FOXN2: variants seen among roughly 807,000 people sequenced by gnomAD.
The protein encoded by FOXN2 is forkhead box N2.
In FOXN2, 19 loss-of-function variants were observed where a neutral mutation model predicts 41.2. That is an observed-to-expected ratio of 0.46 (90% CI 0.32 to 0.68). The LOEUF (loss-of-function observed/expected upper bound fraction) is 0.68, where lower values mean the gene tolerates loss of function less well. FOXN2 is among the 30% of genes least tolerant of loss of function. The pLI is 0.03. For missense variants in FOXN2, 587 were observed against 509.4 expected, an observed-to-expected ratio of 1.15 and a Z score of -1.47; for synonymous variants, 195 against 176.8, an observed-to-expected ratio of 1.10 and a Z score of -0.82.
In FOXN2 at chr2:48,375,456, T is replaced by C. The variant is rs561146723; in HGVS notation, c.*13T>C. 3.8e-6 allele frequency: 6 copies of C among 1,588,852 alleles called. No homozygotes were observed. The highest frequency in any genetic ancestry group is 2.0e-4 in the Middle Eastern group (1 of 5,028). ...ACGGAAAAAATAGAAATACTTAAAGTGTGGCAATACTCTTTCACTTAATTC... is the reference window on the plus strand; with the variant it reads ...ACGGAAAAAATAGAAATACTTAAAGCGTGGCAATACTCTTTCACTTAATTC... On this transcript the variant is annotated 3_prime_UTR_variant, in exon 7 of 7. Transcript: ENST00000340553.
intron 3 of FOXN2, among the ~76,000 whole-genome samples, chr2:48,356,916 A>G (rs1326131465): frequency 1.3e-5 from 2 of 152,220 alleles, no homozygotes; most frequent in Non-Finnish European, 2.9e-5. Flanking sequence ...GAGAATGCTC[A>G]TTTCCTGTTT....
At chr2:48,366,184 C>G (rs1419583203) in intron 5 of FOXN2, among the ~76,000 whole-genome samples, 4 of 152,042 alleles carry the variant, frequency 2.6e-5, no homozygotes, top group Non-Finnish European at 5.9e-5. Context: ...TGGTGAAACC[C>G]CATCTCTACT....
At chr2:48,360,436 A>G (rs1396056452) in intron 4 of FOXN2, among the ~76,000 whole-genome samples, 5 of 152,184 alleles carry the variant, frequency 3.3e-5, no homozygotes, top group Non-Finnish European at 2.9e-5. Flanking sequence ...TATAGTGGTT[A>G]ATTTGAATTC....
At chr2:48,327,322 A>T (rs964313194) in intron 1 of FOXN2, among the ~76,000 whole-genome samples, 3 of 152,180 alleles carry the variant, frequency 2.0e-5, no homozygotes, top group African/African-American at 4.8e-5. Context: ...AGTAGTGACC[A>T]CTAGACTACT....
chr2:48,342,306 T>C (rs938531358), intron 2 of FOXN2, among the ~76,000 whole-genome samples: 1 of 152,148 alleles, frequency 6.6e-6, no homozygotes, highest in Admixed American at 6.5e-5. Context: ...TTCTCTGTTA[T>C]AGAAAATGTA....
intron 5 of FOXN2, among the ~76,000 whole-genome samples, chr2:48,368,548 C>T (rs191407425): frequency 3.1e-3 from 464 of 152,130 alleles, no homozygotes; most frequent in South Asian, 8.1e-3. Flanking sequence ...GAAAATTAGC[C>T]GGGCGTGGTG....
chr2:48,343,634 C>T (rs1210936510), intron 2 of FOXN2, among the ~76,000 whole-genome samples: 3 of 151,984 alleles, frequency 2.0e-5, no homozygotes, highest in Non-Finnish European at 4.4e-5. Flanking sequence ...TGGTGTGTGC[C>T]TGTAGTCCCA....
intron 6 of FOXN2, 128 bp downstream of exon 6, chr2:48,373,488 CAGTTT>C: frequency 1.7e-6 from 1 of 575,678 alleles, no homozygotes; most frequent in Non-Finnish European, 3.0e-6. Flanking sequence ...CTGAGTAACT[CAGTTT>C]CTGTTTTATT....
chr2:48,363,297 TA>T (rs1380829718), intron 5 of FOXN2, among the ~76,000 whole-genome samples: 3 of 152,130 alleles, frequency 2.0e-5, no homozygotes, highest in Non-Finnish European at 4.4e-5. Context: ...GAAAAAAGCT[TA>T]TAGGTTATAA....
chr2:48,314,918 G>C (rs913537902), intron 1 of FOXN2, 104 bp downstream of exon 1: 1 of 151,862 alleles, frequency 6.6e-6, no homozygotes, highest in Non-Finnish European at 1.5e-5. Context: ...CGCGCCAGGC[G>C]TGGGGCGCGG....
intron 1 of FOXN2, among the ~76,000 whole-genome samples, chr2:48,323,454 A>G (rs372743287): frequency 4.6e-4 from 70 of 152,096 alleles, no homozygotes; most frequent in Middle Eastern, 6.8e-3. Context: ...ATGGTATCTC[A>G]TTGTAGTTTT....
chr2:48,366,305 G>C (rs1342455218), intron 5 of FOXN2, among the ~76,000 whole-genome samples: 3 of 150,200 alleles, frequency 2.0e-5, no homozygotes, highest in Non-Finnish European at 4.4e-5. Context: ...ATTGCAGTGA[G>C]CCGAGATCGC....
intron 2 of FOXN2, among the ~76,000 whole-genome samples, chr2:48,338,930 T>C (rs1670552479): frequency 6.6e-6 from 1 of 152,134 alleles, no homozygotes; most frequent in Non-Finnish European, 1.5e-5. Context: ...AGACAAGTCA[T>C]CTACTGGGGA....
chr2:48,353,145 T>C (rs1370391692), intron 3 of FOXN2, among the ~76,000 whole-genome samples: 2 of 152,174 alleles, frequency 1.3e-5, no homozygotes, highest in Admixed American at 1.3e-4. Context: ...TTAGTAAATA[T>C]GACTTACTAA....
chr2:48,350,624 A>T (rs1340972526), intron 3 of FOXN2, among the ~76,000 whole-genome samples: 5 of 151,894 alleles, frequency 3.3e-5, no homozygotes, highest in African/African-American at 1.2e-4. Context: ...AGGGTCTAGA[A>T]CATGGATGAT....
chr2:48,340,332 C>G (rs528147670), intron 2 of FOXN2, among the ~76,000 whole-genome samples: 30 of 152,154 alleles, frequency 2.0e-4, no homozygotes, highest in Non-Finnish European at 3.8e-4. Flanking sequence ...TTCTCTCTTA[C>G]CAATGTTAAT....
chr2:48,365,123 G>C (rs1367046412), intron 5 of FOXN2, among the ~76,000 whole-genome samples: 1 of 152,140 alleles, frequency 6.6e-6, no homozygotes, highest in Non-Finnish European at 1.5e-5. Context: ...GAAAATTTCA[G>C]ATGAAAACCT....
chr2:48,365,009 T>C (rs903262611), intron 5 of FOXN2, among the ~76,000 whole-genome samples: 1 of 152,228 alleles, frequency 6.6e-6, no homozygotes, highest in Non-Finnish European at 1.5e-5. Flanking sequence ...TATATCAAAA[T>C]TCTGAATTAG....
chr2:48,323,571 A>G (rs1669477026), intron 1 of FOXN2, among the ~76,000 whole-genome samples: 1 of 151,780 alleles, frequency 6.6e-6, no homozygotes, highest in Non-Finnish European at 1.5e-5. Context: ...CCGCTTTTTG[A>G]TAGAGTTGTG....
Sources: allele counts gnomAD v4.1 joint callset (sites outside exome capture counted in the v4.1 genomes callset), GRCh38; gene constraint gnomAD v4.1.1; transcripts MANE v1.5; gene names NCBI Gene and HGNC (gene_info 2026-07-23, HGNC 2026-07-21).